NEDD4L: variants seen among roughly 807,000 people sequenced by gnomAD.
NEDD4L encodes the protein E3 ubiquitin-protein ligase NEDD4-like.
In NEDD4L, 54 loss-of-function variants were observed where a neutral mutation model predicts 148.9. The observed-to-expected ratio is 0.36, with a 90% CI of 0.29 to 0.45. The LOEUF is 0.45. NEDD4L is among the 20% of genes least tolerant of loss of function. The probability of loss-of-function intolerance (pLI) is 1.00; values close to 1 mark genes in which losing one functional copy is unlikely to be tolerated. For missense variants in NEDD4L, 856 were observed against 1,233.8 expected, an observed-to-expected ratio of 0.69 and a Z score of 4.59; for synonymous variants, 433 against 440.7, an observed-to-expected ratio of 0.98 and a Z score of 0.22.
chr18:58,054,397 G>C (rs1479079734), intron 1 of NEDD4L, among the ~76,000 whole-genome samples: 2 of 152,124 alleles, frequency 1.3e-5, no homozygotes, highest in Non-Finnish European at 2.9e-5. Context: ...ATCTTGCCCA[G>C]TTTGTTTTGG....
intron 1 of NEDD4L, among the ~76,000 whole-genome samples, chr18:58,145,237 G>A (rs1421734953): frequency 6.6e-6 from 1 of 152,172 alleles, no homozygotes; most frequent in East Asian, 1.9e-4. Flanking sequence ...ATTTGTGGGG[G>A]TCCAAGTGCC....
intron 13 of NEDD4L, among the ~76,000 whole-genome samples, chr18:58,338,082 A>G (rs934236655): frequency 6.6e-6 from 1 of 152,180 alleles, no homozygotes; most frequent in African/African-American, 2.4e-5. Context: ...GCATATTGAA[A>G]CTTCTGCAGT....
At chr18:58,057,583 T>C (rs1253682996) in intron 1 of NEDD4L, among the ~76,000 whole-genome samples, 5 of 152,290 alleles carry the variant, frequency 3.3e-5, no homozygotes, top group Admixed American at 6.5e-5. Flanking sequence ...AGTCTGGGGC[T>C]TCAGGATTGG....
intron 1 of NEDD4L, among the ~76,000 whole-genome samples, chr18:58,068,637 G>T (rs2144845192): frequency 6.6e-6 from 1 of 152,322 alleles, no homozygotes; most frequent in African/African-American, 2.4e-5. Context: ...ATATGATTTT[G>T]TACCACTCAG....
intron 1 of NEDD4L, among the ~76,000 whole-genome samples, chr18:58,077,588 G>A (rs1170314496): frequency 6.6e-6 from 1 of 152,002 alleles, no homozygotes; most frequent in Non-Finnish European, 1.5e-5. Flanking sequence ...TAAATTCCAA[G>A]CGCCATGATA....
intron 11 of NEDD4L, among the ~76,000 whole-genome samples, chr18:58,332,654 G>A (rs2041154547): frequency 6.6e-6 from 1 of 152,022 alleles, no homozygotes; most frequent in East Asian, 1.9e-4. Flanking sequence ...ATTAAAGACT[G>A]ATTCTTTCAC....
chr18:58,379,607 C>T (rs1329392491), intron 24 of NEDD4L, among the ~76,000 whole-genome samples: 2 of 152,322 alleles, frequency 1.3e-5, no homozygotes, highest in Non-Finnish European at 1.5e-5. Context: ...CATGGAGCCT[C>T]GTGCCCAACC....
At position 58,370,826 on chromosome 18, in the gene NEDD4L, C is replaced by G. The variant is rs2046766631; in HGVS notation, c.2256+359C>G. Among the ~76,000 whole-genome samples the G allele has an allele frequency of 2.0e-5, 3 of 152,128 alleles. No homozygotes were observed. In the South Asian group the frequency reaches 6.2e-4, roughly 32 times the overall value. On this transcript the variant is annotated intron_variant, in intron 23 of 30. Transcript: ENST00000400345. ...AATGTTTAGAGCTTCATCCGCTCTC[C>G]CTCTGTTTCCTGACATCATAAAAAT...
intron 18 of NEDD4L, among the ~76,000 whole-genome samples, chr18:58,354,836 C>T (rs1462721672): frequency 6.6e-6 from 1 of 152,094 alleles, no homozygotes; most frequent in Non-Finnish European, 1.5e-5. Flanking sequence ...GGATGGGGCC[C>T]TGAGAGAATG....
intron 11 of NEDD4L, among the ~76,000 whole-genome samples, chr18:58,332,519 G>A (rs946319893): frequency 9.9e-5 from 15 of 152,152 alleles, no homozygotes; most frequent in African/African-American, 3.6e-4. Flanking sequence ...GTGGTGGGGT[G>A]CACCTGTAGT....
intron 2 of NEDD4L, among the ~76,000 whole-genome samples, chr18:58,179,870 A>G (rs114533794): frequency 0.028 from 4,222 of 152,256 alleles, 90 homozygotes; most frequent in Non-Finnish European, 0.031. Context: ...AAAGTGCACC[A>G]TAAATGTAAT....
intron 27 of NEDD4L, 140 bp downstream of exon 27, chr18:58,387,638 T>C (rs548690958): frequency 2.7e-5 from 27 of 997,088 alleles, no homozygotes; most frequent in Admixed American, 7.4e-5. Context: ...ATGTCTCTTA[T>C]AGGGCTTATT....
chr18:58,387,376 C>A, intron 26 of NEDD4L, 63 bp from the exon 27 acceptor site: 4 of 1,433,762 alleles, frequency 2.8e-6, no homozygotes, highest in Non-Finnish European at 3.6e-6. Context: ...GTTTGTTTTT[C>A]CTGTGAAATT....
At chr18:58,318,711 G>A (rs1024709331) in intron 6 of NEDD4L, among the ~76,000 whole-genome samples, 41 of 152,164 alleles carry the variant, frequency 2.7e-4, no homozygotes, top group African/African-American at 9.4e-4. Flanking sequence ...ATTATTTAGC[G>A]ATAAAGAGAA....
intron 2 of NEDD4L, among the ~76,000 whole-genome samples, chr18:58,199,752 T>G (rs562707226): frequency 6.6e-6 from 1 of 152,356 alleles, no homozygotes; most frequent in South Asian, 2.1e-4. Context: ...CCTGAATTTG[T>G]TATTAGCTTA....
At position 58,119,683 on chromosome 18, in the gene NEDD4L, G is replaced by A. The variant is rs1598916932; in HGVS notation, c.49-46105G>A. On this transcript the variant is annotated intron_variant, in intron 1 of 30. Transcript: ENST00000400345. Reference sequence around the variant, plus strand: ...GAGTTTGCAGCCCCTGCTGGACCCTGTGTAACTGTCCAGTTCGCCTAGCTA... The same window carrying A: ...GAGTTTGCAGCCCCTGCTGGACCCTATGTAACTGTCCAGTTCGCCTAGCTA... Among the ~76,000 whole-genome samples, 4 of 152,364 alleles carry A rather than the reference G, an allele frequency of 2.6e-5. No individual in the cohort carries two copies. The Middle Eastern group carries it at 0.01, about 389-fold the overall frequency.
At chr18:58,350,739 T>C (rs2043772577) in intron 17 of NEDD4L, among the ~76,000 whole-genome samples, 1 of 152,230 alleles carries the variant, frequency 6.6e-6, no homozygotes, top group Non-Finnish European at 1.5e-5. Context: ...TTTGAAGCTT[T>C]TGAGCTAGCA....
At chr18:58,284,577 A>G (rs1036375911) in intron 5 of NEDD4L, among the ~76,000 whole-genome samples, 3 of 127,982 alleles carry the variant, frequency 2.3e-5, no homozygotes, top group Non-Finnish European at 3.4e-5. Flanking sequence ...AATAGAAGTA[A>G]CTTCTGGTAG....
Position 58,379,695 on chromosome 18 carries a change from C to T in NEDD4L, c.2353-3551C>T, listed in dbSNP as rs56344015. Among the ~76,000 whole-genome samples the T allele has an allele frequency of 8.3e-3, 1,257 of 152,256 alleles. 16 individuals are homozygous for T. The highest frequency in any genetic ancestry group is 0.029 in the African/African-American group (1,195 of 41,538). On this transcript the variant is annotated intron_variant, in intron 24 of 30. Coordinates refer to ENST00000400345, the MANE Select transcript of NEDD4L (RefSeq NM_001144967.3). ...GACAATATGCCTGCACTGCAGGAGA[C>T]GGTGTCACGATCAGCCCCCGACAGC...
Sources: allele counts gnomAD v4.1 joint callset (sites outside exome capture counted in the v4.1 genomes callset), GRCh38; gene constraint gnomAD v4.1.1; transcripts MANE v1.5; gene names NCBI Gene and HGNC (gene_info 2026-07-23, HGNC 2026-07-21).